Variants in CEP70 observed in about 807,000 individuals in gnomAD.
CEP70 encodes centrosomal protein of 70 kDa.
A neutral mutation model predicts 90.9 loss-of-function variants in CEP70; 70 were observed. That is an observed-to-expected ratio of 0.77 (90% CI 0.64 to 0.94). The LOEUF is 0.94. CEP70 is among the 40% of genes least tolerant of loss of function. The probability of loss-of-function intolerance (pLI) is 0.00; values close to 1 mark genes in which losing one functional copy is unlikely to be tolerated. For missense variants in CEP70, 648 were observed against 669.0 expected, an observed-to-expected ratio of 0.97 and a Z score of 0.35; for synonymous variants, 220 against 228.3, an observed-to-expected ratio of 0.96 and a Z score of 0.33.
intron 6 of CEP70, among the ~76,000 whole-genome samples, chr3:138,550,868 G>A (rs1247874211): frequency 6.6e-6 from 1 of 152,136 alleles, no homozygotes; most frequent in African/African-American, 2.4e-5. Context: ...AAGAAGTTTG[G>A]GATTATGTTA....
intron 6 of CEP70, among the ~76,000 whole-genome samples, chr3:138,544,509 G>GTGTATGTA (rs34978232): frequency 0.015 from 2,273 of 149,070 alleles, 41 homozygotes; most frequent in African/African-American, 0.038. Flanking sequence ...ACTACAGAGT[G>GTGTATGTA]TGTATGTATG....
At chr3:138,515,467 C>CAAAAAAAAAAA (rs145902706) in intron 11 of CEP70, among the ~76,000 whole-genome samples, 35 of 65,232 alleles carry the variant, frequency 5.4e-4, no homozygotes, top group South Asian at 1.4e-3. Flanking sequence ...CATAGAAATG[C>CAAAAAAAAAAA]AAAAAAAAAA....
At chr3:138,555,979 CA>C (rs1477129756) in intron 6 of CEP70, among the ~76,000 whole-genome samples, 1 of 152,130 alleles carries the variant, frequency 6.6e-6, no homozygotes, top group Non-Finnish European at 1.5e-5. Context: ...TAACATTATA[CA>C]AAAGCACAAT....
At chr3:138,588,911 T>C (rs1476997046) in intron 2 of CEP70, among the ~76,000 whole-genome samples, 1 of 152,222 alleles carries the variant, frequency 6.6e-6, no homozygotes, top group Non-Finnish European at 1.5e-5. Context: ...TAAAAAAGAA[T>C]ATGTGCAACA....
At chr3:138,536,501 A>G (rs1000981594) in intron 7 of CEP70, among the ~76,000 whole-genome samples, 1 of 152,120 alleles carries the variant, frequency 6.6e-6, no homozygotes, top group African/African-American at 2.4e-5. Context: ...AGAAATATAC[A>G]TCTTGACTGC....
chr3:138,564,146 A>C (rs1230038677), intron 6 of CEP70, among the ~76,000 whole-genome samples: 1 of 152,260 alleles, frequency 6.6e-6, no homozygotes, highest in Non-Finnish European at 1.5e-5. Flanking sequence ...AGTCTAAACC[A>C]GGAAGAAGTC....
Position 138,498,059 on chromosome 3 carries a change from T to A in CEP70, c.1704A>T (p.Ala568=). The change falls in exon 17 of 18, where the codon GCA becomes GCT. Residue 568 remains alanine (A), a synonymous_variant. Transcript: ENST00000264982. ...EHEEFFPAFQ[A]FTNDLLEILE... ...AGATTTCAAGTAGATCATTAGTAAATGCCTGAAATGCTGGGAAAAATTCCT... is the reference window on the plus strand; with the variant it reads ...AGATTTCAAGTAGATCATTAGTAAAAGCCTGAAATGCTGGGAAAAATTCCT... 1 of 1,613,360 alleles carries A rather than the reference T, an allele frequency of 6.2e-7. No homozygotes were observed. Among genetic ancestry groups the A allele is most frequent in the Non-Finnish European group, 8.5e-7 (1 of 1,179,688 alleles).
intron 6 of CEP70, among the ~76,000 whole-genome samples, chr3:138,563,858 G>T (rs1026614712): frequency 1.3e-5 from 2 of 152,174 alleles, no homozygotes; most frequent in Admixed American, 6.5e-5. Flanking sequence ...CAGCAGAAAT[G>T]AAGGAGCTAG....
chr3:138,581,505 A>G (rs1266881867), intron 2 of CEP70, among the ~76,000 whole-genome samples: 3 of 151,702 alleles, frequency 2.0e-5, no homozygotes, highest in Non-Finnish European at 2.9e-5. Context: ...GGAGTTCAAG[A>G]CCAGCCTGGC....
At chr3:138,540,573 C>G (rs1358462474) in intron 6 of CEP70, among the ~76,000 whole-genome samples, 1 of 151,010 alleles carries the variant, frequency 6.6e-6, no homozygotes, top group East Asian at 1.9e-4. Context: ...AGTCAGAAAG[C>G]TATTATTAAA....
At chr3:138,522,009 T>C (rs557197015) in intron 11 of CEP70, among the ~76,000 whole-genome samples, 2 of 152,290 alleles carry the variant, frequency 1.3e-5, no homozygotes, top group South Asian at 4.1e-4. Flanking sequence ...CTCTGAAACG[T>C]GCTGTGTCAA....
intron 2 of CEP70, among the ~76,000 whole-genome samples, chr3:138,577,795 TAA>T (rs1417148479): frequency 2.0e-5 from 3 of 152,154 alleles, no homozygotes; most frequent in Non-Finnish European, 4.4e-5. Flanking sequence ...TGGCTCCAGT[TAA>T]AAGAGACTGT....
At chr3:138,527,676 C>A in intron 10 of CEP70, among the ~76,000 whole-genome samples, 1 of 134,362 alleles carries the variant, frequency 7.4e-6, no homozygotes, top group East Asian at 2.1e-4. Flanking sequence ...GCCTGGGCGA[C>A]AGAGCAAGAC....
intron 6 of CEP70, among the ~76,000 whole-genome samples, chr3:138,569,141 G>T (rs1349518319): frequency 6.6e-6 from 1 of 152,052 alleles, no homozygotes. Context: ...CATAAACAAG[G>T]TCAGAGCACC....
At chr3:138,586,012 A>G (rs2042088483) in intron 2 of CEP70, among the ~76,000 whole-genome samples, 1 of 152,240 alleles carries the variant, frequency 6.6e-6, no homozygotes, top group Non-Finnish European at 1.5e-5. Context: ...AGGCAACCAA[A>G]GCAAAAATAG....
At chr3:138,514,410 T>A (rs917363642) in intron 11 of CEP70, among the ~76,000 whole-genome samples, 8 of 152,226 alleles carry the variant, frequency 5.3e-5, no homozygotes. Flanking sequence ...GTAATGTGCA[T>A]CACAATCTGA....
chr3:138,497,806 GTCCTCC>G, intron 17 of CEP70: 1 of 985,326 alleles, frequency 1.0e-6, no homozygotes, highest in South Asian at 4.7e-5. Context: ...TCATGATAAG[GTCCTCC>G]AACAAAGGTA....
chr3:138,497,277 C>G, intron 17 of CEP70: 1 of 1,268,176 alleles, frequency 7.9e-7, no homozygotes, highest in Non-Finnish European at 1.0e-6. Flanking sequence ...TGACTCATTC[C>G]CTTATTTTCA....
At chr3:138,592,514 A>C (rs1250131849) in intron 1 of CEP70, among the ~76,000 whole-genome samples, 1 of 151,526 alleles carries the variant, frequency 6.6e-6, no homozygotes, top group Non-Finnish European at 1.5e-5. Context: ...TACAGCTTTA[A>C]TTACTGTCAT....
Sources: allele counts gnomAD v4.1 joint callset (sites outside exome capture counted in the v4.1 genomes callset), GRCh38; gene constraint gnomAD v4.1.1; transcripts MANE v1.5; gene names NCBI Gene and HGNC (gene_info 2026-07-23, HGNC 2026-07-21).